Variants in ZNF543 observed in about 807,000 individuals in gnomAD.
The protein encoded by ZNF543 is zinc finger protein 543.
Under a neutral mutation model 13.4 loss-of-function variants are expected in ZNF543, and 10 were observed. That is an observed-to-expected ratio of 0.75 (90% CI 0.46 to 1.26). ZNF543 has a LOEUF of 1.26. ZNF543 is among the 50% of genes most tolerant of loss of function. The pLI, the probability that ZNF543 is intolerant of heterozygous loss-of-function variation, is 0.00. For missense variants in ZNF543, 768 were observed against 741.2 expected (o/e 1.04, Z -0.42); for synonymous variants, 272 against 264.7 (o/e 1.03, Z -0.27).
intron 1 of ZNF543, among the ~76,000 whole-genome samples, chr19:57,321,872 A>G (rs796732710): frequency 4.6e-5 from 7 of 152,154 alleles, no homozygotes; most frequent in South Asian, 4.1e-4. Context: ...ATGGCATTTC[A>G]TGCTGGTGGA....
Position 57,320,763 on chromosome 19 carries a change from A to T in ZNF543, c.-91A>T. ...AACTGAGGCTCCGAGTGCGAAAGTC[A>T]GCCGAGGTCGCCCCGCCCAGGACAG... On this transcript the variant is annotated 5_prime_UTR_variant, in exon 1 of 4. Transcript: ENST00000321545. 1.3e-6 allele frequency: 2 copies of T among 1,528,284 alleles called. No homozygotes were observed. The highest frequency in any genetic ancestry group is 4.8e-5 in the East Asian group (2 of 41,748). The allele number at this position is 1,528,284 out of a possible 1,614,324, so 94.7% of individuals were successfully genotyped here.
At chr19:57,324,444 G>A (rs1446973629) in intron 2 of ZNF543, among the ~76,000 whole-genome samples, 1 of 152,026 alleles carries the variant, frequency 6.6e-6, no homozygotes, top group Non-Finnish European at 1.5e-5. Context: ...TGTGATAGGT[G>A]GCTGGGCGCA....
Position 57,320,817 on chromosome 19 carries a change from G to A in ZNF543, c.-37G>A. On this transcript the variant is annotated 5_prime_UTR_variant, in exon 1 of 4. Coordinates refer to ENST00000321545, the MANE Select transcript of ZNF543 (RefSeq NM_213598.4). ...AGGGCTGGGGGTCGGCTGAGCCGCGGCATTCCCGGGCCCCGCTAGGGCTGC... is the reference window on the plus strand; with the variant it reads ...AGGGCTGGGGGTCGGCTGAGCCGCGACATTCCCGGGCCCCGCTAGGGCTGC... The A allele has an allele frequency of 6.2e-7, 1 of 1,612,806 alleles. No individual in the cohort carries two copies. Among genetic ancestry groups the A allele is most frequent in the Non-Finnish European group, 8.5e-7 (1 of 1,179,544 alleles).
chr19:57,320,618 C>T lies in ZNF543; in HGVS notation c.-236C>T, dbSNP rs2122932145. 4 of 540,070 alleles carry T rather than the reference C, an allele frequency of 7.4e-6. No individual in the cohort carries two copies. In the South Asian group the frequency reaches 9.0e-5, roughly 12 times the overall value. 33.5% of individuals were successfully genotyped at this position (540,070 alleles called of 1,614,324 possible). A position where few individuals can be genotyped will look rare whatever the true frequency, so the allele number is the denominator to read the frequency against. ...CCGCATCTTGGCGGGAGCCTGACGC[C>T]CCGCTTCTTCCCTAACGGGGTGTTC... On this transcript the variant is annotated 5_prime_UTR_variant, in exon 1 of 4. Coordinates refer to ENST00000321545, the MANE Select transcript of ZNF543 (RefSeq NM_213598.4).
Position 57,328,881 on chromosome 19 carries a change from C to A in ZNF543, c.1419C>A (p.His473Gln). The A allele has an allele frequency of 6.2e-7, 1 of 1,614,122 alleles. No individual in the cohort carries two copies. The highest frequency in any genetic ancestry group is 1.1e-5 in the South Asian group (1 of 91,070). The part of the protein sequence containing the change: ...RADLIRHFSI[H>Q]TGEKPYECVE... ...ACCTCATTCGCCACTTCAGCATCCACACTGGAGAGAAACCCTATGAGTGCG... is the reference window on the plus strand; with the variant it reads ...ACCTCATTCGCCACTTCAGCATCCAAACTGGAGAGAAACCCTATGAGTGCG... Residue 473 changes from histidine (H) to glutamine (Q), a missense_variant, in exon 4 of 4, where the codon CAC (histidine) becomes CAA (glutamine). His to Gln is a conservative substitution (Grantham distance 24). Around this residue, in one of 3 missense-constraint regions of ZNF543, gnomAD observed 677 missense variants for 631.4 expected, o/e 1.07. Coordinates refer to ENST00000321545, the MANE Select transcript of ZNF543 (RefSeq NM_213598.4).
intron 2 of ZNF543, among the ~76,000 whole-genome samples, chr19:57,324,706 T>C (rs1029484606): frequency 5.9e-5 from 9 of 152,190 alleles, no homozygotes; most frequent in Non-Finnish European, 1.0e-4. Context: ...TATAATGTGG[T>C]CCTGATTGCA....
At chr19:57,321,071 G>T (rs1024734825) in intron 1 of ZNF543, among the ~76,000 whole-genome samples, 200 bp downstream of exon 1, 6 of 152,162 alleles carry the variant, frequency 3.9e-5, no homozygotes, top group Non-Finnish European at 7.3e-5. Flanking sequence ...TTGGTAGAAG[G>T]ATGAATGATG....
rs1218832773 is a variant in ZNF543, at chr19:57,323,700, G to A, written c.37G>A (p.Asp13Asn). The change falls in exon 2 of 4, where the codon GAT (aspartate) becomes AAT (asparagine). Residue 13 changes from aspartate (D) to asparagine (N), a missense_variant. Asp to Asn is a conservative substitution (Grantham distance 23). This residue lies in a region of ZNF543 where 77 missense variants were observed against 75.5 expected (regional missense o/e 1.02). Coordinates refer to ENST00000321545, the MANE Select transcript of ZNF543 (RefSeq NM_213598.4). ...ASAQVSVTFE[D>N]VAVTFTQEEW... ...TTTCCAGGTGTCTGTGACCTTTGAG[G>A]ATGTGGCTGTGACATTCACCCAGGA... 2 of 1,613,430 alleles carry A rather than the reference G, an allele frequency of 1.2e-6. No individual in the cohort carries two copies. The highest frequency in any genetic ancestry group is 1.7e-5 in the Admixed American group (1 of 59,992).
intron 3 of ZNF543, 33 bp from the exon 4 acceptor site, chr19:57,327,671 A>C: frequency 1.3e-6 from 2 of 1,562,458 alleles, no homozygotes; most frequent in Non-Finnish European, 1.7e-6. Flanking sequence ...TGCCATCTCT[A>C]ATAAGCCTTT....
At chr19:57,322,382 C>G (rs998800183) in intron 1 of ZNF543, among the ~76,000 whole-genome samples, 4 of 151,838 alleles carry the variant, frequency 2.6e-5, no homozygotes, top group African/African-American at 9.7e-5. Flanking sequence ...AGTGGCTAAC[C>G]CCAGCACAGT....
Position 57,328,494 on chromosome 19 carries a change from T to C in ZNF543, c.1032T>C (p.Cys344=). The C allele has an allele frequency of 6.2e-7, 1 of 1,614,174 alleles. No homozygotes were observed. Among genetic ancestry groups the C allele is most frequent in the South Asian group, 1.1e-5 (1 of 91,090 alleles). The change falls in exon 4 of 4, where the codon TGT becomes TGC. Residue 344 remains cysteine (C), a synonymous_variant. Transcript: ENST00000321545. ...TGEKPYECIE[C]GKAFNRRSYL... is the part of the protein sequence containing the mutation. ...AGAAGCCCTATGAGTGCATTGAGTG[T>C]GGGAAGGCCTTCAACCGCCGGTCAT...
Position 57,320,524 on chromosome 19 carries a change from C to G in ZNF543, c.-330C>G, listed in dbSNP as rs1203861768. On this transcript the variant is annotated 5_prime_UTR_variant, in exon 1 of 4. Transcript: ENST00000321545. ...GATTGGCCCTGGAACAGTGTGGGGC[C>G]TGGACCGCTGGGTAGGCGCGTCCAG... 5.9e-6 allele frequency: 2 copies of G among 339,876 alleles called. No individual in the cohort carries two copies. Among genetic ancestry groups the G allele is most frequent in the Non-Finnish European group, 1.1e-5 (2 of 181,412 alleles). 21.1% of individuals were successfully genotyped at this position (339,876 alleles called of 1,614,324 possible).
intron 2 of ZNF543, among the ~76,000 whole-genome samples, chr19:57,326,358 G>C (rs990736597): frequency 6.6e-6 from 1 of 152,118 alleles, no homozygotes; most frequent in African/African-American, 2.4e-5. Flanking sequence ...TAGAGATGGG[G>C]TTTCACCATG....
intron 2 of ZNF543, among the ~76,000 whole-genome samples, chr19:57,324,540 A>T (rs1412767541): frequency 6.6e-6 from 1 of 152,026 alleles, no homozygotes. Flanking sequence ...TCACACTTGG[A>T]CTCCGCAGTT....
At position 57,327,730 on chromosome 19, in the gene ZNF543, G is replaced by C; in HGVS notation, c.268G>C (p.Glu90Gln). Residue 90 changes from glutamate to glutamine, a missense_variant, in exon 4 of 4, where the codon GAG becomes CAG. This residue lies in a region of ZNF543 where 14 missense variants were observed against 34.3 expected (regional missense o/e 0.41). Transcript: ENST00000321545. ...PGDNTKPKTT[E>Q]PTFSHLALPE... is the part of the protein sequence containing the mutation. ...TGACAACACAAAACCCAAGACCACA[G>C]AGCCTACCTTTTCTCACCTGGCCTT... 20 of 1,611,460 alleles carry C rather than the reference G, an allele frequency of 1.2e-5. No individual in the cohort carries two copies. The highest frequency in any genetic ancestry group is 1.6e-5 in the Non-Finnish European group (19 of 1,179,282).
chr19:57,328,642 C>T lies in ZNF543; in HGVS notation c.1180C>T (p.Pro394Ser), dbSNP rs759004420. The change falls in exon 4 of 4, where the codon CCC (proline) becomes TCC (serine). Residue 394 changes from proline to serine, a missense_variant. Around this residue, in one of 3 missense-constraint regions of ZNF543, gnomAD observed 677 missense variants for 631.4 expected, o/e 1.07. Coordinates refer to ENST00000321545, the MANE Select transcript of ZNF543 (RefSeq NM_213598.4). ...CTACATTATCCACACTGGGGAGAAG[C>T]CCTATAAGTGCATGGAGTGTGGGAA... ...QHYIIHTGEK[P>S]YKCMECGKAF... is the part of the protein sequence containing the mutation. 2.6e-5 allele frequency: 42 copies of T among 1,613,842 alleles called. No individual in the cohort carries two copies. The highest frequency in any genetic ancestry group is 3.3e-5 in the Non-Finnish European group (39 of 1,179,988).
In ZNF543 at chr19:57,328,770, C is replaced by A. The variant is rs766942982; in HGVS notation, c.1308C>A (p.Ser436=). The change falls in exon 4 of 4, where the codon TCC becomes TCA. Residue 436 remains serine (S), a synonymous_variant. Transcript: ENST00000321545. ...SECGKAFTHC[S]TFVLHKRTHT... is the part of the protein sequence containing the mutation. ...GTGGAAAGGCCTTCACCCACTGCTC[C>A]ACTTTTGTCTTGCATAAAAGGACCC... 1 of 1,613,526 alleles carries A rather than the reference C, an allele frequency of 6.2e-7. No homozygotes were observed. The highest frequency in any genetic ancestry group is 8.5e-7 in the Non-Finnish European group (1 of 1,179,906).
rs780961397 is a variant in ZNF543 at position 57,328,717 on chromosome 19, G to A, written c.1255G>A (p.Gly419Arg). The change falls in exon 4 of 4, where the codon GGG (glycine) becomes AGG (arginine). Residue 419 changes from glycine (G) to arginine (R), a missense_variant. Around this residue, in one of 3 missense-constraint regions of ZNF543, gnomAD observed 677 missense variants for 631.4 expected, o/e 1.07. Coordinates refer to ENST00000321545, the MANE Select transcript of ZNF543 (RefSeq NM_213598.4). ...CAAGCAGCATCAACGGATTCACACT[G>A]GGGAGAAGCCTTATGAATGCAGTGA... ...HLKQHQRIHTGEKPYECSECG... is the reference protein window; with the variant it reads ...HLKQHQRIHTREKPYECSECG... 15 of 1,613,646 alleles carry A rather than the reference G, an allele frequency of 9.3e-6. 2 individuals carry two copies. The South Asian group carries it at 1.6e-4, about 18-fold the overall frequency.
In ZNF543 at chr19:57,327,781, C is replaced by T. The variant is rs762646214; in HGVS notation, c.319C>T (p.Gln107Ter). 9.3e-6 allele frequency: 15 copies of T among 1,613,880 alleles called. No homozygotes were observed. The highest frequency in any genetic ancestry group is 4.0e-5 in the African/African-American group (3 of 74,878). Reference sequence around the variant, plus strand: ...GCCTGAGGAAGTCTTACTCCAGGAACAACTGACACAAGGAGCCTCAAAGAA... The same window carrying T: ...GCCTGAGGAAGTCTTACTCCAGGAATAACTGACACAAGGAGCCTCAAAGAA... Reference protein sequence around the residue: ...ALPEEVLLQEQLTQGASKNSQ... With the variant: ...ALPEEVLLQE The change falls in exon 4 of 4, where the codon CAA (glutamine) becomes TAA (stop). Residue 107 changes from glutamine (Q) to a stop codon, truncating the protein, a stop_gained. Transcript: ENST00000321545. LOFTEE classifies it low-confidence loss of function (END_TRUNC).
Sources: gnomAD v4.1 joint callset for allele counts (sites outside exome capture counted in the v4.1 genomes callset) on GRCh38, gnomAD v4.1.1 for gene constraint, gnomAD v4.1.1 regional missense constraint, MANE v1.5 for transcripts, NCBI Gene and HGNC (gene_info 2026-07-23, HGNC 2026-07-21) for gene names.